Variants in PEAK1 observed in about 807,000 individuals in gnomAD.
PEAK1 encodes the protein pseudopodium enriched atypical kinase 1.
Under a neutral mutation model 124.7 loss-of-function variants are expected in PEAK1, and 54 were observed. That is an observed-to-expected ratio of 0.43 (90% CI 0.35 to 0.54). The LOEUF (loss-of-function observed/expected upper bound fraction) is 0.54, where lower values mean the gene tolerates loss of function less well. PEAK1 is among the 20% of genes least tolerant of loss of function. The probability of loss-of-function intolerance (pLI) is 0.01; values close to 1 mark genes in which losing one functional copy is unlikely to be tolerated. For missense variants in PEAK1, 2,046 were observed against 2,134.5 expected, an observed-to-expected ratio of 0.96 and a Z score of 0.82; for synonymous variants, 719 against 760.0, an observed-to-expected ratio of 0.95 and a Z score of 0.89.
intron 8 of PEAK1, among the ~76,000 whole-genome samples, chr15:77,151,269 A>G (rs914419208): frequency 1.3e-5 from 2 of 151,624 alleles, no homozygotes; most frequent in African/African-American, 4.9e-5. Context: ...GCCAGTGATG[A>G]TGAGCATTTT....
rs900858987 is a variant in PEAK1 at position 77,348,088 on chromosome 15, C to T, written c.-603+17075G>A. The stretch of plus-strand genomic sequence containing the variant: ...AAAAACATTTTGGTCAGACATTATT[C>T]ATCTAGAGAAAAAAAGAAAGAAACA... On this transcript the variant is annotated intron_variant, in intron 2 of 9. Transcript: ENST00000682557. The T allele has an allele frequency of 6.1e-6, 6 of 982,506 alleles. No homozygotes were observed. In the African/African-American group the frequency reaches 8.9e-5, roughly 15 times the overall value. 60.9% of individuals were successfully genotyped at this position (982,506 alleles called of 1,614,324 possible). A position where few individuals can be genotyped will look rare whatever the true frequency, so the allele number is the denominator to read the frequency against.
At chr15:77,420,835 G>A (rs1447823688), upstream of PEAK1, 2 of 398,546 alleles carry the variant, frequency 5.0e-6, no homozygotes, top group Non-Finnish European at 4.4e-6. Context: ...AAGAGATTAG[G>A]TAAAGAAAAG....
At chr15:77,329,311 A>T (rs75313686) in intron 2 of PEAK1, among the ~76,000 whole-genome samples, 3,165 of 152,268 alleles carry the variant, frequency 0.021, 43 homozygotes, top group Middle Eastern at 0.037. Flanking sequence ...ACAGGACTCA[A>T]CCTTACCACT....
intron 8 of PEAK1, among the ~76,000 whole-genome samples, chr15:77,143,629 C>T (rs1354674632): frequency 6.6e-6 from 1 of 152,210 alleles, no homozygotes; most frequent in East Asian, 1.9e-4. Context: ...TGTGTCTTTG[C>T]TCATGCTGAT....
intron 2 of PEAK1, chr15:77,338,063 T>C (rs1249979055): frequency 1.0e-6 from 1 of 982,918 alleles, no homozygotes; most frequent in Middle Eastern, 5.2e-4. Context: ...TGAGCTTTTT[T>C]AGCTATTGGA....
At chr15:77,294,416 A>C (rs2063381313) in intron 2 of PEAK1, among the ~76,000 whole-genome samples, 1 of 152,178 alleles carries the variant, frequency 6.6e-6, no homozygotes, top group Non-Finnish European at 1.5e-5. Context: ...ATAATATACC[A>C]TTTTACTGCT....
At chr15:77,314,296 A>G (rs1348244441) in intron 2 of PEAK1, among the ~76,000 whole-genome samples, 1 of 147,048 alleles carries the variant, frequency 6.8e-6, no homozygotes, top group Non-Finnish European at 1.5e-5. Flanking sequence ...ACCTGATACG[A>G]AAAAAAAAAA....
chr15:77,101,002 G>C (rs2050689266), exon 7 of PEAK1: 1 of 152,332 alleles, frequency 6.6e-6, no homozygotes, highest in African/African-American at 2.4e-5. Context: ...CTGAGGGAGG[G>C]AGGGGGTGCT....
chr15:77,396,824 G>A (rs1452795045), intron 1 of PEAK1, among the ~76,000 whole-genome samples: 1 of 152,090 alleles, frequency 6.6e-6, no homozygotes, highest in Non-Finnish European at 1.5e-5. Context: ...GAGAGAGAGA[G>A]AAAAGTAGAG....
chr15:77,249,989 A>G (rs62008422), intron 6 of PEAK1, among the ~76,000 whole-genome samples: 2 of 151,614 alleles, frequency 1.3e-5, no homozygotes, highest in Non-Finnish European at 2.9e-5. Flanking sequence ...TTTTTTTTAA[A>G]TAGTTGAGAA....
chr15:77,180,060 C>G lies in PEAK1; in HGVS notation c.1867G>C (p.Ala623Pro), dbSNP rs757295616. ...EPTYARSSKN[A>P]IKVPIVINPN... is the part of the protein sequence containing the mutation. ...TTGATAACAATGGGAACTTTGATAG[C>G]ATTTTTGGAACTCCGAGCATAAGTT... Residue 623 changes from alanine (A) to proline (P), a missense_variant, in exon 7 of 10, where the codon GCT (alanine) becomes CCT (proline). Coordinates refer to ENST00000682557, the MANE Select transcript of PEAK1 (RefSeq NM_001385026.1). The G allele has an allele frequency of 1.2e-6, 2 of 1,613,854 alleles. No individual in the cohort carries two copies. Among genetic ancestry groups the G allele is most frequent in the East Asian group, 4.5e-5 (2 of 44,900 alleles).
chr15:77,401,216 G>A (rs1460423816), intron 1 of PEAK1, among the ~76,000 whole-genome samples: 1 of 152,142 alleles, frequency 6.6e-6, no homozygotes, highest in African/African-American at 2.4e-5. Flanking sequence ...TATAATAAAT[G>A]TGTCTTACAG....
intron 5 of PEAK1, among the ~76,000 whole-genome samples, chr15:77,275,914 C>G (rs1443935032): frequency 4.6e-5 from 7 of 151,724 alleles, no homozygotes; most frequent in Admixed American, 3.3e-4. Context: ...CAAAGAAATA[C>G]AGAATGTAAA....
In PEAK1 at chr15:77,407,144, T is replaced by C. The variant is rs558716833; in HGVS notation, c.-666+12862A>G. Among the ~76,000 whole-genome samples, 38 of 152,308 alleles carry C rather than the reference T, an allele frequency of 2.5e-4. No individual in the cohort carries two copies. The East Asian group carries it at 7.3e-3, about 29-fold the overall frequency. On this transcript the variant is annotated intron_variant, in intron 1 of 9. Transcript: ENST00000682557. ...TCCAGATGAATCAAAGATGTACATC[T>C]AGGACCTGAAACGATAAAAATTCTA...
chr15:77,280,152 C>T (rs2062586737), intron 5 of PEAK1, among the ~76,000 whole-genome samples: 2 of 152,012 alleles, frequency 1.3e-5, no homozygotes, highest in Non-Finnish European at 2.9e-5. Flanking sequence ...GCCAGCCTGG[C>T]CAACATGGTG....
intron 1 of PEAK1, among the ~76,000 whole-genome samples, chr15:77,392,715 G>A (rs1444562723): frequency 6.6e-6 from 1 of 152,186 alleles, no homozygotes; most frequent in Non-Finnish European, 1.5e-5. Flanking sequence ...TTGTTGAGGA[G>A]GCGGCGGAGT....
In PEAK1 at chr15:77,133,699, C is replaced by A. The variant is rs374623359; in HGVS notation, c.3383G>T (p.Gly1128Val). The stretch of plus-strand genomic sequence containing the variant: ...AAAGGCGATGGCATCGTCCACAGCT[C>A]CCTTGGGCTGTCGTGGCTGCTTGGG... Reference protein sequence around the residue: ...IPPKQPRQPKGAVDDAIAFGG... With the variant: ...IPPKQPRQPKVAVDDAIAFGG... The change falls in exon 9 of 10, where the codon GGA becomes GTA. Residue 1128 changes from glycine (G) to valine (V), a missense_variant. Gly to Val is a moderately radical substitution (Grantham distance 109). Transcript: ENST00000682557. The surrounding 1 kb of genome is among the most constrained non-coding windows in gnomAD (Gnocchi z 4.2). The A allele has an allele frequency of 4.3e-6, 7 of 1,613,684 alleles. No individual in the cohort carries two copies. Among genetic ancestry groups the A allele is most frequent in the Non-Finnish European group, 5.1e-6 (6 of 1,179,794 alleles).
At position 77,350,138 on chromosome 15, in the gene PEAK1, T is replaced by A. The variant is rs79897541; in HGVS notation, c.-603+15025A>T. On this transcript the variant is annotated intron_variant, in intron 2 of 9. Transcript: ENST00000682557. ...CTGTTCAAAGCCACTTCGAAAGATGTGAAAATGCATGCACAAAAGTAATCT... is the reference window on the plus strand; with the variant it reads ...CTGTTCAAAGCCACTTCGAAAGATGAGAAAATGCATGCACAAAAGTAATCT... 513 of 985,404 alleles carry A rather than the reference T, an allele frequency of 5.2e-4. 15 individuals are homozygous for A. The East Asian group carries it at 0.044, about 84-fold the overall frequency. The allele number at this position is 985,404 out of a possible 1,614,324, so 61.0% of individuals were successfully genotyped here. A position where few individuals can be genotyped will look rare whatever the true frequency, so the allele number is the denominator to read the frequency against.
intron 2 of PEAK1, among the ~76,000 whole-genome samples, chr15:77,292,238 T>C (rs2063258771): frequency 6.6e-6 from 1 of 152,134 alleles, no homozygotes; most frequent in African/African-American, 2.4e-5. Flanking sequence ...GAGCCTCTGG[T>C]CACAACATTT....
Sources: allele counts gnomAD v4.1 joint callset (sites outside exome capture counted in the v4.1 genomes callset), GRCh38; gene constraint gnomAD v4.1.1; non-coding constraint Gnocchi (gnomAD v3.1); transcripts MANE v1.5; gene names NCBI Gene and HGNC (gene_info 2026-07-23, HGNC 2026-07-21).